Variants in SORCS3 observed in about 807,000 individuals in gnomAD.
SORCS3 encodes the protein sortilin related VPS10 domain containing receptor 3.
SORCS3 carries 57 observed loss-of-function variants against 146.3 expected under a neutral mutation model. That is an observed-to-expected ratio of 0.39 (90% CI 0.31 to 0.49). The LOEUF is 0.49. Ranked by LOEUF, SORCS3 falls within the 20% of genes least tolerant of loss-of-function variation. The pLI, the probability that SORCS3 is intolerant of heterozygous loss-of-function variation, is 0.92. For synonymous variants in SORCS3, 653 were observed against 618.5 expected, an observed-to-expected ratio of 1.06 and a Z score of -0.83; for missense variants, 1,341 against 1,575.5, an observed-to-expected ratio of 0.85 and a Z score of 2.52.
intron 3 of SORCS3, among the ~76,000 whole-genome samples, chr10:104,923,177 T>A (rs2019105031): frequency 2.0e-5 from 3 of 152,242 alleles, no homozygotes; most frequent in Admixed American, 2.0e-4. Context: ...TCAGGTCGTC[T>A]GGATGGCCAC....
At chr10:104,643,709 G>GGTGTGTGTGTGTGTGTGTGTGT (rs3069967) in intron 1 of SORCS3, among the ~76,000 whole-genome samples, 2 of 144,638 alleles carry the variant, frequency 1.4e-5, no homozygotes, top group African/African-American at 5.2e-5. Context: ...TGATAATTAG[G>GGTGTGTGTGTGTGTGTGTGTGT]GTGTGTGTGT....
chr10:104,707,973 A>G (rs2016358147), intron 1 of SORCS3, among the ~76,000 whole-genome samples: 1 of 152,220 alleles, frequency 6.6e-6, no homozygotes, highest in South Asian at 2.1e-4. Context: ...ATGAGTTTCC[A>G]TTGTATTTAT....
Position 104,977,347 on chromosome 10 carries a change from A to T in SORCS3, c.808A>T (p.Ser270Cys), listed in dbSNP as rs140268797. ...PTNKRKIMLLSDPEMESSILI... is the reference protein window; with the variant it reads ...PTNKRKIMLLCDPEMESSILI... ...ATCCTTTCTTTAGATTATGCTTCTC[A>T]GTGATCCTGAGATGGAGAGCAGCAT... Residue 270 changes from serine to cysteine, a missense_variant, in exon 4 of 27, where the codon AGT (serine) becomes TGT (cysteine). Coordinates refer to ENST00000369701, the MANE Select transcript of SORCS3 (RefSeq NM_014978.3). 3 of 1,612,094 alleles carry T rather than the reference A, an allele frequency of 1.9e-6. No individual in the cohort carries two copies. In the African/African-American group the frequency reaches 4.0e-5, roughly 22 times the overall value.
At chr10:105,174,779 C>T (rs1326097158) in intron 13 of SORCS3, among the ~76,000 whole-genome samples, 6 of 152,106 alleles carry the variant, frequency 3.9e-5, no homozygotes, top group Non-Finnish European at 7.4e-5. Flanking sequence ...TTGCTCCTTC[C>T]GTGTGAACTC....
intron 2 of SORCS3, among the ~76,000 whole-genome samples, chr10:104,894,174 A>T (rs1454240485): frequency 6.6e-6 from 1 of 152,200 alleles, no homozygotes; most frequent in Non-Finnish European, 1.5e-5. Flanking sequence ...ACACACATGT[A>T]ACTGTCAAAT....
chr10:105,217,867 T>A (rs1460091045), intron 19 of SORCS3: 1 of 454,112 alleles, frequency 2.2e-6, no homozygotes, highest in Non-Finnish European at 4.4e-6. Context: ...GGAAATGTTG[T>A]CTTGGGGCTG....
At chr10:104,853,604 A>G (rs1217338945) in intron 2 of SORCS3, among the ~76,000 whole-genome samples, 11 of 152,214 alleles carry the variant, frequency 7.2e-5, no homozygotes, top group Middle Eastern at 3.2e-3. Context: ...AATTCCTGGA[A>G]GAGAAAATGG....
At chr10:104,831,969 G>A (rs553163134) in intron 1 of SORCS3, among the ~76,000 whole-genome samples, 71 of 152,306 alleles carry the variant, frequency 4.7e-4, no homozygotes, top group Non-Finnish European at 8.7e-4. Flanking sequence ...AGAAATATGC[G>A]TAATTGCTAT....
chr10:105,162,056 G>A (rs2056269384), intron 11 of SORCS3, among the ~76,000 whole-genome samples: 1 of 152,160 alleles, frequency 6.6e-6, no homozygotes, highest in Non-Finnish European at 1.5e-5. Flanking sequence ...CTCCCCAACT[G>A]AGCCTGTAGC....
chr10:105,009,208 A>G (rs756218494), intron 4 of SORCS3, among the ~76,000 whole-genome samples: 12 of 152,198 alleles, frequency 7.9e-5, no homozygotes, highest in Non-Finnish European at 1.6e-4. Context: ...TTTAAGACTA[A>G]TAGGAGGAGC....
intron 1 of SORCS3, among the ~76,000 whole-genome samples, chr10:104,812,693 G>A (rs2017754097): frequency 6.6e-6 from 1 of 152,180 alleles, no homozygotes; most frequent in South Asian, 2.1e-4. Flanking sequence ...CCTGGGTGGA[G>A]CTTGGGCCCT....
intron 3 of SORCS3, among the ~76,000 whole-genome samples, chr10:104,974,880 G>C (rs183751217): frequency 5.3e-5 from 8 of 152,204 alleles, no homozygotes; most frequent in Admixed American, 4.6e-4. Flanking sequence ...AGCTCTTTTA[G>C]GGCAGTCCTG....
At chr10:105,226,854 G>T (rs1267577293) in intron 20 of SORCS3, among the ~76,000 whole-genome samples, 1 of 151,580 alleles carries the variant, frequency 6.6e-6, no homozygotes, top group Non-Finnish European at 1.5e-5. Flanking sequence ...GTATATAGTT[G>T]TTCATAAATG....
At chr10:104,726,974 C>T (rs116729379) in intron 1 of SORCS3, among the ~76,000 whole-genome samples, 2 of 152,186 alleles carry the variant, frequency 1.3e-5, no homozygotes, top group African/African-American at 4.8e-5. Flanking sequence ...CTGCTGAATT[C>T]CCTGTTGGGC....
At chr10:105,106,712 C>A (rs1043899262) in intron 7 of SORCS3, among the ~76,000 whole-genome samples, 3 of 152,116 alleles carry the variant, frequency 2.0e-5, no homozygotes, top group Admixed American at 6.6e-5. Context: ...GCTAGCCACT[C>A]AAAAACCATC....
chr10:105,207,908 C>G (rs2056612265), intron 16 of SORCS3, among the ~76,000 whole-genome samples: 1 of 152,102 alleles, frequency 6.6e-6, no homozygotes, highest in African/African-American at 2.4e-5. Flanking sequence ...AGAGAGCACC[C>G]TTCCTTCATA....
rs529712258 is a variant in SORCS3 at position 104,904,516 on chromosome 10, C to T, written c.696-11317C>T. Among the ~76,000 whole-genome samples the T allele has an allele frequency of 2.0e-5, 3 of 152,058 alleles. No homozygotes were observed. In the South Asian group the frequency reaches 6.3e-4, roughly 32 times the overall value. ...CAAGTTATTTAATACAAGATTTTGG[C>T]TAGAAACTGACCAACTGGCCAGAGA... is the stretch of plus-strand genomic sequence containing the variant. On this transcript the variant is annotated intron_variant, in intron 2 of 26. Coordinates refer to ENST00000369701, the MANE Select transcript of SORCS3 (RefSeq NM_014978.3).
At chr10:105,242,575 T>TATATTTATATAC (rs1564793624) in intron 20 of SORCS3, among the ~76,000 whole-genome samples, 1 of 55,618 alleles carries the variant, frequency 1.8e-5, no homozygotes, top group Non-Finnish European at 2.9e-5. Flanking sequence ...TATATTTATA[T>TATATTTATATAC]ATTTATATAT....
intron 20 of SORCS3, among the ~76,000 whole-genome samples, chr10:105,237,402 A>C (rs1287961966): frequency 6.6e-6 from 1 of 152,210 alleles, no homozygotes; most frequent in African/African-American, 2.4e-5. Flanking sequence ...ACATCCGAGC[A>C]TTTGGAAGTA....
Sources: allele counts gnomAD v4.1 joint callset (sites outside exome capture counted in the v4.1 genomes callset), GRCh38; gene constraint gnomAD v4.1.1; transcripts MANE v1.5; gene names NCBI Gene and HGNC (gene_info 2026-07-23, HGNC 2026-07-21).